The following SEL1L variants were observed in gnomAD, a reference collection of about 807,000 sequenced individuals.
The protein encoded by SEL1L is protein sel-1 homolog 1.
A neutral mutation model predicts 109.8 loss-of-function variants in SEL1L; 52 were observed. The observed-to-expected ratio is 0.47, with a 90% CI of 0.38 to 0.60. SEL1L has a LOEUF of 0.60. Ranked by LOEUF, SEL1L falls within the 20% of genes least tolerant of loss-of-function variation. The pLI, the probability that SEL1L is intolerant of heterozygous loss-of-function variation, is 0.00. For missense variants in SEL1L, 749 were observed against 962.2 expected (o/e 0.78, Z 2.93); for synonymous variants, 373 against 339.6 (o/e 1.10, Z -1.08).
Position 81,498,425 on chromosome 14 carries a change from C to T in SEL1L, c.961G>A (p.Val321Ile), listed in dbSNP as rs750713305. Residue 321 changes from valine to isoleucine, a missense_variant, in exon 9 of 21, where the codon GTT becomes ATT. Val to Ile is a conservative substitution (Grantham distance 29). Around this residue, in one of 2 missense-constraint regions of SEL1L, gnomAD observed 366 missense variants for 399.8 expected, o/e 0.92. Coordinates refer to ENST00000336735, the MANE Select transcript of SEL1L (RefSeq NM_005065.6). ...CESALTHYRL[V>I]ANHVASDISL... ...GAAACATAGATACCATGATTGGCAA[C>T]AAGACGATAGTGAGTCAGGGCAGAT... is the stretch of plus-strand genomic sequence containing the variant. 6.2e-7 allele frequency: 1 copy of T among 1,613,334 alleles called. No individual in the cohort carries two copies. Among genetic ancestry groups the T allele is most frequent in the Non-Finnish European group, 8.5e-7 (1 of 1,179,644 alleles).
chr14:81,484,833 C>A (rs1903469951), intron 18 of SEL1L, among the ~76,000 whole-genome samples: 1 of 152,144 alleles, frequency 6.6e-6, no homozygotes, highest in Non-Finnish European at 1.5e-5. Flanking sequence ...CATCTGAAAT[C>A]TGAAACACTC....
chr14:81,488,543 A>G (rs1883414089), intron 14 of SEL1L, among the ~76,000 whole-genome samples: 1 of 152,218 alleles, frequency 6.6e-6, no homozygotes, highest in South Asian at 2.1e-4. Context: ...TTAAAAGCAC[A>G]TATTACTTGG....
At chr14:81,491,583 A>C (rs1883538028) in intron 12 of SEL1L, among the ~76,000 whole-genome samples, 2 of 152,192 alleles carry the variant, frequency 1.3e-5, no homozygotes, top group African/African-American at 4.8e-5. Flanking sequence ...ATCATGATGA[A>C]ATTTCCCTAT....
Position 81,476,748 on chromosome 14 carries a change from A to T in SEL1L, c.*224T>A. ...AAAAAAAAAGCCACTGAAAGTTGTT[A>T]TTCCATATGGCACTGAAACAAACAT... is the stretch of plus-strand genomic sequence containing the variant. On this transcript the variant is annotated 3_prime_UTR_variant, in exon 21 of 21. Transcript: ENST00000336735. The T allele has an allele frequency of 2.0e-6, 1 of 501,380 alleles. No homozygotes were observed. Among genetic ancestry groups the T allele is most frequent in the Non-Finnish European group, 3.5e-6 (1 of 282,184 alleles). The allele number at this position is 501,380 out of a possible 1,614,324, so 31.1% of individuals were successfully genotyped here.
chr14:81,518,605 A>G (rs939930696), intron 3 of SEL1L, among the ~76,000 whole-genome samples: 8 of 148,090 alleles, frequency 5.4e-5, no homozygotes, highest in African/African-American at 2.0e-4. Context: ...GGTTGCAGTG[A>G]GCAGAGATCA....
At chr14:81,516,716 G>C (rs1884715319) in intron 3 of SEL1L, among the ~76,000 whole-genome samples, 1 of 152,176 alleles carries the variant, frequency 6.6e-6, no homozygotes, top group African/African-American at 2.4e-5. Flanking sequence ...TTACAAACTA[G>C]TTTTCAATAA....
chr14:81,483,221 G>A (rs1400170327), intron 19 of SEL1L, among the ~76,000 whole-genome samples: 2 of 152,120 alleles, frequency 1.3e-5, no homozygotes, highest in Non-Finnish European at 2.9e-5. Flanking sequence ...CAGAATTAAT[G>A]TGAAATCTCA....
intron 3 of SEL1L, among the ~76,000 whole-genome samples, chr14:81,512,772 A>C (rs974560636): frequency 6.6e-6 from 1 of 152,236 alleles, no homozygotes; most frequent in Admixed American, 6.5e-5. Flanking sequence ...TGGGTATTCT[A>C]TAATAGGGAA....
intron 19 of SEL1L, among the ~76,000 whole-genome samples, chr14:81,481,205 A>G (rs1903346646): frequency 6.6e-5 from 10 of 152,178 alleles, no homozygotes; most frequent in Admixed American, 6.5e-4. Flanking sequence ...ATAGAATGGG[A>G]TGGTGGGAAT....
At chr14:81,501,087 C>G (rs1349374819) in intron 6 of SEL1L, among the ~76,000 whole-genome samples, 2 of 152,180 alleles carry the variant, frequency 1.3e-5, no homozygotes, top group Non-Finnish European at 2.9e-5. Flanking sequence ...CTAATGAATC[C>G]TGAGGCTCTC....
At position 81,498,404 on chromosome 14, in the gene SEL1L, C is replaced by T; in HGVS notation, c.973+9G>A. ...TTTTCCTAAAAGGTAAAAGGGGAAA[C>T]ATAGATACCATGATTGGCAACAAGA... On this transcript the variant is annotated intron_variant, in intron 9 of 20. Coordinates refer to ENST00000336735, the MANE Select transcript of SEL1L (RefSeq NM_005065.6). 1 of 1,605,456 alleles carries T rather than the reference C, an allele frequency of 6.2e-7. No homozygotes were observed. Among genetic ancestry groups the T allele is most frequent in the Non-Finnish European group, 8.5e-7 (1 of 1,174,414 alleles).
chr14:81,495,134 C>T lies in SEL1L; in HGVS notation c.1132G>A (p.Gly378Ser). The change falls in exon 11 of 21, where the codon GGT (glycine) becomes AGT (serine). Residue 378 changes from glycine (G) to serine (S), a missense_variant. Around this residue, in one of 2 missense-constraint regions of SEL1L, gnomAD observed 383 missense variants for 562.5 expected, o/e 0.68. Coordinates refer to ENST00000336735, the MANE Select transcript of SEL1L (RefSeq NM_005065.6). The part of the protein sequence containing the change: ...AEKGDVQAQV[G>S]LGQLHLHGGR... ...CCGTGCAGGTGCAGTTGTCCAAGAC[C>T]AACCTGAAAATGATCACAAACAAGG... is the stretch of plus-strand genomic sequence containing the variant. The T allele has an allele frequency of 6.2e-7, 1 of 1,613,936 alleles. No individual in the cohort carries two copies. The highest frequency in any genetic ancestry group is 1.3e-5 in the African/African-American group (1 of 75,030).
intron 3 of SEL1L, among the ~76,000 whole-genome samples, chr14:81,506,873 A>G (rs982702768): frequency 2.2e-4 from 34 of 152,320 alleles, no homozygotes; most frequent in African/African-American, 7.7e-4. Context: ...GCTAGAAATG[A>G]GGTGCATCAG....
intron 10 of SEL1L, among the ~76,000 whole-genome samples, chr14:81,497,627 G>A (rs764469770): frequency 4.6e-5 from 7 of 152,066 alleles, no homozygotes; most frequent in Non-Finnish European, 1.0e-4. Context: ...GATTTTTTTA[G>A]GGGCAGTACA....
At chr14:81,498,259 G>A (rs1375779952) in intron 9 of SEL1L, 154 bp downstream of exon 9, 2 of 828,068 alleles carry the variant, frequency 2.4e-6, no homozygotes, top group Non-Finnish European at 3.7e-6. Flanking sequence ...ATTATATAAA[G>A]AAAAAAGTAC....
intron 2 of SEL1L, among the ~76,000 whole-genome samples, chr14:81,527,438 T>TAC (rs67777470): frequency 0.065 from 9,494 of 146,684 alleles, 804 homozygotes; most frequent in African/African-American, 0.2. Context: ...TCTTCAAACT[T>TAC]ACACACACAC....
chr14:81,504,906 T>C (rs1884174850), intron 4 of SEL1L, among the ~76,000 whole-genome samples: 1 of 151,484 alleles, frequency 6.6e-6, no homozygotes, highest in Non-Finnish European at 1.5e-5. Context: ...ATATGGTAAG[T>C]TTCCTGAGGC....
At chr14:81,498,145 A>T in intron 9 of SEL1L, 99 bp from the exon 10 acceptor site, 1 of 1,232,752 alleles carries the variant, frequency 8.1e-7, no homozygotes, top group South Asian at 1.5e-5. Context: ...TGACGAACAC[A>T]TTGTTAAAGG....
chr14:81,510,529 T>TATATATAG (rs1884436185), intron 3 of SEL1L, among the ~76,000 whole-genome samples: 1 of 148,270 alleles, frequency 6.7e-6, no homozygotes. Context: ...TATATATATA[T>TATATATAG]AGACAATTAA....
Sources: allele counts gnomAD v4.1 joint callset (sites outside exome capture counted in the v4.1 genomes callset), GRCh38; gene constraint gnomAD v4.1.1; regional missense constraint gnomAD v4.1.1; transcripts MANE v1.5; gene names NCBI Gene and HGNC (gene_info 2026-07-23, HGNC 2026-07-21).